SYNE2: variants seen among roughly 807,000 people sequenced by gnomAD.
SYNE2 encodes spectrin repeat containing nuclear envelope protein 2, also known as nesprin-2.
Under a neutral mutation model 856.3 loss-of-function variants are expected in SYNE2, and 431 were observed. The observed-to-expected ratio is 0.50, with a 90% CI of 0.47 to 0.55. The LOEUF is 0.55. Among genes scored for constraint, SYNE2 ranks in the 20% least tolerant of loss-of-function variants. The pLI is 0.00. For synonymous variants in SYNE2, 2,923 were observed against 2,872.3 expected, an observed-to-expected ratio of 1.02 and a Z score of -0.56; for missense variants, 8,129 against 8,023.2, an observed-to-expected ratio of 1.01 and a Z score of -0.50.
intron 1 of SYNE2, among the ~76,000 whole-genome samples, chr14:63,898,272 C>T (rs2095285880): frequency 6.6e-6 from 1 of 152,204 alleles, no homozygotes; most frequent in Admixed American, 6.5e-5. Flanking sequence ...CAATCTGCTG[C>T]ATCACTATCG....
chr14:64,014,429 G>T (rs58886716), intron 32 of SYNE2, among the ~76,000 whole-genome samples: 5,085 of 151,982 alleles, frequency 0.033, 280 homozygotes, highest in African/African-American at 0.12. Context: ...GGTTTTTTTT[G>T]TTTGTTTGTT....
chr14:64,173,210 C>T lies in SYNE2; in HGVS notation c.17236-1734C>T, dbSNP rs961278541. On this transcript the variant is annotated intron_variant, in intron 94 of 115. Coordinates refer to ENST00000555002, the MANE Select transcript of SYNE2 (RefSeq NM_182914.3). ...GTCAAAACACCGTATTTTGGAGTGTCGGTTTGTGAGTCTGGTAAAGGAAAA... is the reference window on the plus strand; with the variant it reads ...GTCAAAACACCGTATTTTGGAGTGTTGGTTTGTGAGTCTGGTAAAGGAAAA... Among the ~76,000 whole-genome samples, 26 of 152,216 alleles carry T rather than the reference C, an allele frequency of 1.7e-4. 1 individual carries two copies. The highest frequency in any genetic ancestry group is 6.0e-4 in the African/African-American group (25 of 41,536).
intron 10 of SYNE2, among the ~76,000 whole-genome samples, chr14:63,964,763 AT>A: frequency 6.6e-6 from 1 of 151,998 alleles, no homozygotes; most frequent in African/African-American, 2.4e-5. Context: ...ACCTCAGGTG[AT>A]TCACCTGCCT....
chr14:63,864,539 G>A (rs1242099928), intron 1 of SYNE2: 1 of 152,180 alleles, frequency 6.6e-6, no homozygotes, highest in African/African-American at 2.4e-5. Context: ...AGCAACTGCT[G>A]TTGATTTCAG....
chr14:63,926,845 CA>C (rs1405971000), intron 2 of SYNE2, among the ~76,000 whole-genome samples: 2 of 152,206 alleles, frequency 1.3e-5, no homozygotes, highest in Non-Finnish European at 2.9e-5. Flanking sequence ...GAAATCCCCC[CA>C]TGACTCTATG....
At position 64,169,047 on chromosome 14, in the gene SYNE2, T is replaced by C. The variant is rs914019180; in HGVS notation, c.17000+76T>C. 39 of 1,161,822 alleles carry C rather than the reference T, an allele frequency of 3.4e-5. No homozygotes were observed. The South Asian group carries it at 4.7e-4, about 14-fold the overall frequency. The allele number at this position is 1,161,822 out of a possible 1,614,324, so 72.0% of individuals were successfully genotyped here. A position where few individuals can be genotyped will look rare whatever the true frequency, so the allele number is the denominator to read the frequency against. ...TTCAGTCAGGGCAGGCTTTCCACCATGTGAACCTTGACCATGTTGGTGCCC... is the reference window on the plus strand; with the variant it reads ...TTCAGTCAGGGCAGGCTTTCCACCACGTGAACCTTGACCATGTTGGTGCCC... On this transcript the variant is annotated intron_variant, in intron 93 of 115. Transcript: ENST00000555002.
intron 98 of SYNE2, 29 bp from the exon 99 acceptor site, chr14:64,190,042 C>G (rs760302041): frequency 2.5e-6 from 4 of 1,613,038 alleles, no homozygotes; most frequent in Non-Finnish European, 3.4e-6. Flanking sequence ...GCTAATTAGC[C>G]AGGCTTTATG....
intron 67 of SYNE2, among the ~76,000 whole-genome samples, chr14:64,120,693 G>A (rs911985312): frequency 1.3e-5 from 2 of 152,190 alleles, no homozygotes; most frequent in Non-Finnish European, 2.9e-5. Context: ...AACCCAAGAG[G>A]TGGAGGTTGC....
chr14:64,073,827 T>C, intron 52 of SYNE2, 141 bp from the exon 53 acceptor site: 2 of 887,222 alleles, frequency 2.3e-6, no homozygotes, highest in Non-Finnish European at 3.5e-6. Context: ...TTATTGAAAA[T>C]TGTTACTTTT....
At chr14:64,225,292 T>A in intron 115 of SYNE2, 27 bp from the exon 116 acceptor site, 2 of 1,614,026 alleles carry the variant, frequency 1.2e-6, no homozygotes, top group South Asian at 1.1e-5. Flanking sequence ...AGCCTCCCAA[T>A]CAGCTCTCAA....
intron 113 of SYNE2, 51 bp downstream of exon 113, chr14:64,223,431 A>G: frequency 6.3e-7 from 1 of 1,599,342 alleles, no homozygotes; most frequent in East Asian, 2.2e-5. Context: ...TTACATGCAG[A>G]CAGGACAGCA....
chr14:63,926,085 C>T (rs912568833), intron 2 of SYNE2, among the ~76,000 whole-genome samples: 8 of 152,122 alleles, frequency 5.3e-5, no homozygotes, highest in African/African-American at 1.9e-4. Flanking sequence ...CTCAAGCGAT[C>T]TGCCCACCTC....
chr14:63,974,892 G>GTATATCTATATA, intron 11 of SYNE2, among the ~76,000 whole-genome samples: 1 of 67,330 alleles, frequency 1.5e-5, no homozygotes, highest in Non-Finnish European at 3.1e-5. Flanking sequence ...GTGTGTGTGT[G>GTATATCTATATA]TATATATATA....
chr14:64,216,112 TACTG>T (rs2098665166), intron 107 of SYNE2, 132 bp from the exon 108 acceptor site: 3 of 1,549,752 alleles, frequency 1.9e-6, no homozygotes, highest in Non-Finnish European at 1.7e-6. Flanking sequence ...TTCTGGGACA[TACTG>T]ACATTTTGCA....
At chr14:63,863,861 G>A (rs1042093911) in intron 1 of SYNE2, among the ~76,000 whole-genome samples, 23 of 152,170 alleles carry the variant, frequency 1.5e-4, no homozygotes, top group East Asian at 3.9e-4. Flanking sequence ...TTTCGCCCTT[G>A]TTGCCAGCGC....
intron 63 of SYNE2, 110 bp downstream of exon 63, chr14:64,098,931 T>TGATATTTTA (rs1239660563): frequency 9.2e-7 from 1 of 1,085,810 alleles, no homozygotes; most frequent in Admixed American, 2.0e-5. Context: ...AAATTAATGT[T>TGATATTTTA]GATATTTTAA....
chr14:64,216,113 A>G, intron 107 of SYNE2, 135 bp from the exon 108 acceptor site: 2 of 1,551,192 alleles, frequency 1.3e-6, no homozygotes, highest in South Asian at 1.2e-5. Context: ...TCTGGGACAT[A>G]CTGACATTTT....
At position 63,816,837 on chromosome 14, in the gene SYNE2, G is replaced by A. The variant is rs763262767; in HGVS notation, c.-304-35664G>A. Among the ~76,000 whole-genome samples, 19 of 152,112 alleles carry A rather than the reference G, an allele frequency of 1.2e-4. No individual in the cohort carries two copies. In the East Asian group the frequency reaches 1.5e-3, roughly 12 times the overall value. Reference sequence around the variant, plus strand: ...GCTCAAGAGATCCTCGTGTCTCAGCGTCCTGGGTAGCTGAGACCACAAGTG... The same window carrying A: ...GCTCAAGAGATCCTCGTGTCTCAGCATCCTGGGTAGCTGAGACCACAAGTG... On this transcript the variant is annotated intron_variant, in intron 1 of 23. Transcript: ENST00000674003.
At chr14:63,863,056 C>T (rs774811905) in intron 1 of SYNE2, among the ~76,000 whole-genome samples, 13 of 152,042 alleles carry the variant, frequency 8.6e-5, no homozygotes, top group Non-Finnish European at 1.6e-4. Context: ...CCTCAGCCTC[C>T]GAAAATGCTG....
Sources: gnomAD v4.1 joint callset for allele counts (sites outside exome capture counted in the v4.1 genomes callset) on GRCh38, gnomAD v4.1.1 for gene constraint, MANE v1.5 for transcripts, NCBI Gene and HGNC (gene_info 2026-07-23, HGNC 2026-07-21) for gene names.